The following CLASP2 variants were observed in gnomAD, a reference collection of about 807,000 sequenced individuals.
CLASP2 encodes CLIP-associating protein 2.
A neutral mutation model predicts 194.4 loss-of-function variants in CLASP2; 47 were observed. That is an observed-to-expected ratio of 0.24 (90% CI 0.19 to 0.31). The LOEUF (loss-of-function observed/expected upper bound fraction) is 0.31. CLASP2 is among the 10% of genes least tolerant of loss of function. The pLI is 1.00. For synonymous variants in CLASP2, 619 were observed against 633.5 expected (o/e 0.98, Z 0.34); for missense variants, 1,445 against 1,823.6 (o/e 0.79, Z 3.78).
intron 29 of CLASP2, among the ~76,000 whole-genome samples, chr3:33,551,943 T>TC (rs202078286): frequency 6.6e-6 from 1 of 151,320 alleles, no homozygotes; most frequent in Non-Finnish European, 1.5e-5. Context: ...AATATAGTTT[T>TC]TTTTTTTTTT....
At chr3:33,632,166 T>C (rs1421781966) in intron 9 of CLASP2, 126 bp downstream of exon 9, 3 of 543,410 alleles carry the variant, frequency 5.5e-6, no homozygotes, top group Non-Finnish European at 9.4e-6. Context: ...TTGGTATTAA[T>C]AAGTCAAATA....
At chr3:33,570,956 G>A (rs1282899314) in intron 25 of CLASP2, among the ~76,000 whole-genome samples, 166 bp from the exon 26 acceptor site, 6 of 149,594 alleles carry the variant, frequency 4.0e-5, no homozygotes, top group Middle Eastern at 3.2e-3. Context: ...TGAGAGGCTC[G>A]CTTGAGCCCA....
At chr3:33,688,126 A>G (rs2090922900) in intron 4 of CLASP2, 151 bp downstream of exon 4, 2 of 549,224 alleles carry the variant, frequency 3.6e-6, no homozygotes, top group South Asian at 6.5e-5. Context: ...TAACATACAC[A>G]AAAAATGAAC....
intron 6 of CLASP2, among the ~76,000 whole-genome samples, chr3:33,679,042 A>T (rs2089342350): frequency 6.6e-6 from 1 of 152,232 alleles, no homozygotes; most frequent in Non-Finnish European, 1.5e-5. Context: ...AGTATTAGTG[A>T]AAGAACAGAC....
chr3:33,604,056 TA>T, intron 17 of CLASP2, 97 bp downstream of exon 17: 1 of 876,378 alleles, frequency 1.1e-6, no homozygotes, highest in Non-Finnish European at 1.8e-6. Context: ...AGTTACCAAG[TA>T]AAACGATCTT....
At chr3:33,638,612 C>A (rs2080677705) in intron 8 of CLASP2, among the ~76,000 whole-genome samples, 1 of 152,068 alleles carries the variant, frequency 6.6e-6, no homozygotes, top group Non-Finnish European at 1.5e-5. Context: ...GGCCTCAATT[C>A]TTTTCATTAG....
chr3:33,501,861 A>G (rs1288844402), intron 37 of CLASP2, 93 bp from the exon 38 acceptor site: 1 of 806,492 alleles, frequency 1.2e-6, no homozygotes, highest in Non-Finnish European at 2.1e-6. Flanking sequence ...GAAAGATGAA[A>G]TCTCGAGCAT....
At chr3:33,546,319 T>A (rs1240805519) in intron 30 of CLASP2, among the ~76,000 whole-genome samples, 1 of 152,212 alleles carries the variant, frequency 6.6e-6, no homozygotes, top group Non-Finnish European at 1.5e-5. Flanking sequence ...CCTTCCTTCA[T>A]GTTCCATTGA....
intron 6 of CLASP2, among the ~76,000 whole-genome samples, chr3:33,667,216 A>G (rs2086336079): frequency 6.6e-6 from 1 of 151,980 alleles, no homozygotes; most frequent in African/African-American, 2.4e-5. Context: ...GTTAAAGACC[A>G]GCCTGGCCAA....
intron 19 of CLASP2, among the ~76,000 whole-genome samples, chr3:33,595,468 C>G (rs1265763894): frequency 2.0e-5 from 3 of 151,990 alleles, no homozygotes; most frequent in Non-Finnish European, 4.4e-5. Context: ...ATCTACAAAG[C>G]AAAAACCTAT....
At chr3:33,648,276 T>C (rs1349640390) in intron 7 of CLASP2, among the ~76,000 whole-genome samples, 5 of 152,038 alleles carry the variant, frequency 3.3e-5, no homozygotes, top group Non-Finnish European at 5.9e-5. Context: ...TTTTTACCTA[T>C]AAGGTCACAA....
At chr3:33,671,476 T>C (rs1021213110) in intron 6 of CLASP2, among the ~76,000 whole-genome samples, 1 of 152,118 alleles carries the variant, frequency 6.6e-6, no homozygotes, top group Admixed American at 6.5e-5. Context: ...GATGGCCGAA[T>C]AGGAACAGCT....
At chr3:33,520,034 G>C (rs941554623) in intron 34 of CLASP2, among the ~76,000 whole-genome samples, 2 of 151,896 alleles carry the variant, frequency 1.3e-5, no homozygotes, top group Admixed American at 1.3e-4. Flanking sequence ...TTTTTTCTGA[G>C]ACAGAGTCTT....
At chr3:33,712,554 G>T (rs1462248588) in intron 1 of CLASP2, among the ~76,000 whole-genome samples, 1 of 152,040 alleles carries the variant, frequency 6.6e-6, no homozygotes, top group Non-Finnish European at 1.5e-5. Context: ...ATGATTAATG[G>T]GTAAGCTTAA....
intron 6 of CLASP2, among the ~76,000 whole-genome samples, chr3:33,679,612 A>G (rs994149500): frequency 6.6e-6 from 1 of 152,234 alleles, no homozygotes; most frequent in Admixed American, 6.5e-5. Flanking sequence ...AGATATACAG[A>G]TGGCAAACAA....
At chr3:33,669,161 T>A (rs1053315916) in intron 6 of CLASP2, among the ~76,000 whole-genome samples, 9 of 152,050 alleles carry the variant, frequency 5.9e-5, no homozygotes, top group African/African-American at 9.7e-5. Context: ...TATAACAAAA[T>A]AAGAAATGAA....
intron 32 of CLASP2, among the ~76,000 whole-genome samples, chr3:33,540,828 G>A (rs958864195): frequency 3.3e-5 from 5 of 149,644 alleles, no homozygotes; most frequent in Admixed American, 1.3e-4. Context: ...GCTGGAGTGC[G>A]GTAGCACGAC....
intron 30 of CLASP2, among the ~76,000 whole-genome samples, chr3:33,545,745 A>T (rs2059057625): frequency 6.6e-6 from 1 of 152,092 alleles, no homozygotes; most frequent in African/African-American, 2.4e-5. Context: ...CCCCGTCTCT[A>T]CTAAAAATAC....
chr3:33,641,726 G>C (rs1380042548), intron 8 of CLASP2, among the ~76,000 whole-genome samples: 1 of 150,808 alleles, frequency 6.6e-6, no homozygotes, highest in Non-Finnish European at 1.5e-5. Flanking sequence ...AGCAGATTAA[G>C]TCACGATTCC....
Sources: allele counts gnomAD v4.1 joint callset (sites outside exome capture counted in the v4.1 genomes callset), GRCh38; gene constraint gnomAD v4.1.1; transcripts MANE v1.5; gene names NCBI Gene and HGNC (gene_info 2026-07-23, HGNC 2026-07-21).